Variants in TTN observed in about 807,000 individuals in gnomAD.
The protein encoded by TTN is connectin.
TTN carries 1,525 observed loss-of-function variants against 3,223.0 expected under a neutral mutation model. The ratio of observed to expected loss-of-function variants is 0.47; its 90% CI spans 0.45 to 0.49. The LOEUF is 0.49. Ranked by LOEUF, TTN falls within the 20% of genes least tolerant of loss-of-function variation. The pLI is 0.00. For synonymous variants in TTN, 14,094 were observed against 15,161.0 expected (o/e 0.93, Z 5.17); for missense variants, 40,786 against 43,424.0 (o/e 0.94, Z 5.40).
Position 178,729,181 on chromosome 2 carries a change from TAA to T in TTN, c.18869-14_18869-13del. The T allele has an allele frequency of 4.5e-6, 7 of 1,559,130 alleles. No individual in the cohort carries two copies. Among genetic ancestry groups the T allele is most frequent in the South Asian group, 2.5e-5 (2 of 80,652 alleles). ...GAATGATGGTGGTTCTGTGATTAAA[TAA>T]GAGAGTGTGAAAAGAAGAAACATAT... On this transcript the variant is annotated splice_polypyrimidine_tract_variant and intron_variant, in intron 64 of 362. Coordinates refer to ENST00000589042, the MANE Select transcript of TTN (RefSeq NM_001267550.2).
In TTN at chr2:178,574,480, G is replaced by T; in HGVS notation, c.71652C>A (p.Asn23884Lys). 3.7e-6 allele frequency: 6 copies of T among 1,613,644 alleles called. No individual in the cohort carries two copies. The highest frequency in any genetic ancestry group is 5.1e-6 in the Non-Finnish European group (6 of 1,179,632). The change falls in exon 326 of 363, where the codon AAC (asparagine) becomes AAA (lysine). Residue 23884 changes from asparagine (N) to lysine (K), a missense_variant. Physicochemically the swap from Asn to Lys is moderately conservative, Grantham distance 94 (BLOSUM62 0). Coordinates refer to ENST00000589042, the MANE Select transcript of TTN (RefSeq NM_001267550.2). ...QTVSKALVPGNIFKSSGLTDG... is the reference protein window; with the variant it reads ...QTVSKALVPGKIFKSSGLTDG... ...CTGTAAGTCCACTTGATTTGAAAAT[G>T]TTGCCTGGTACTAAAGCTTTGCTCA...
rs116307796 is a variant in TTN at position 178,785,948 on chromosome 2, G to A, written c.2270C>T (p.Pro757Leu). 1,592 of 1,614,142 alleles carry A rather than the reference G, an allele frequency of 9.9e-4. 12 individuals are homozygous for A. In the African/African-American group the frequency reaches 0.019, roughly 20 times the overall value. Residue 757 changes from proline to leucine, a missense_variant, in exon 14 of 363, where the codon CCC becomes CTC. Physicochemically the swap from Pro to Leu is moderately conservative, Grantham distance 98 (BLOSUM62 -3). Coordinates refer to ENST00000589042, the MANE Select transcript of TTN (RefSeq NM_001267550.2). ...AEPPQRPASE[P>L]HVVPKAVKPR... ...CTTGACTGCTTTAGGGACAACGTGG[G>A]GTTCTGAGGCTGGACGTTGGGGAGG...
At position 178,757,645 on chromosome 2, in the gene TTN, A is replaced by G; in HGVS notation, c.10575T>C (p.Leu3525=). 1.9e-6 allele frequency: 3 copies of G among 1,613,832 alleles called. No homozygotes were observed. Among genetic ancestry groups the G allele is most frequent in the Non-Finnish European group, 2.5e-6 (3 of 1,179,758 alleles). The change falls in exon 45 of 363, where the codon CTT becomes CTC. Residue 3525 remains leucine (L), a synonymous_variant. Coordinates refer to ENST00000589042, the MANE Select transcript of TTN (RefSeq NM_001267550.2). The stretch of plus-strand genomic sequence containing the variant: ...CATGCTCTGAGTAAGCATCAACTAT[A>G]AGCATTAAAGCCATGCCTGTGGACT... ...FEESTGMALM[L]IVDAYSEHAG...
intron 350 of TTN, among the ~76,000 whole-genome samples, 179 bp from the exon 351 acceptor site, chr2:178,540,549 T>A (rs1693910457): frequency 6.6e-6 from 1 of 152,120 alleles, no homozygotes; most frequent in Non-Finnish European, 1.5e-5. Context: ...TCACAGCAAG[T>A]TGGGAGGCCA....
At chr2:178,768,380 C>G (rs143236278) in intron 38 of TTN, among the ~76,000 whole-genome samples, 3 of 152,244 alleles carry the variant, frequency 2.0e-5, no homozygotes, top group African/African-American at 7.2e-5. Context: ...CCCCTGTAGA[C>G]CTAAGCAACC....
chr2:178,546,159 T>C (rs1559145467), intron 342 of TTN, 43 bp from the exon 343 acceptor site: 1 of 1,587,556 alleles, frequency 6.3e-7, no homozygotes, highest in African/African-American at 1.3e-5. Flanking sequence ...GATCATTCTT[T>C]CTGCCCACAC....
Position 178,794,910 on chromosome 2 carries a change from T to C in TTN, c.1245+12A>G. On this transcript the variant is annotated intron_variant, in intron 7 of 362. Coordinates refer to ENST00000589042, the MANE Select transcript of TTN (RefSeq NM_001267550.2). The stretch of plus-strand genomic sequence containing the variant: ...TGTGAAATAAGGAAAAACAAAACCA[T>C]TCTGACAGTACCTCTTTAGCACCAG... The C allele has an allele frequency of 6.2e-7, 1 of 1,600,454 alleles. No individual in the cohort carries two copies. Among genetic ancestry groups the C allele is most frequent in the Admixed American group, 1.7e-5 (1 of 60,018 alleles).
Position 178,673,684 on chromosome 2 carries a change from G to A in TTN, c.34735C>T (p.Pro11579Ser), listed in dbSNP as rs754511830. The change falls in exon 152 of 363, where the codon CCT (proline) becomes TCT (serine). Residue 11579 changes from proline to serine, a missense_variant. By Grantham distance (74) the Pro-to-Ser change is moderately conservative. Coordinates refer to ENST00000589042, the MANE Select transcript of TTN (RefSeq NM_001267550.2). ...TTAGGAACAGGAGTAGGTGCTTCAG[G>A]TACTGCTTTCTTAATCACTTCAGGC... ...RVPEVIKKAVPEAPTPVPKKV... is the reference protein window; with the variant it reads ...RVPEVIKKAVSEAPTPVPKKV... 12 of 1,590,202 alleles carry A rather than the reference G, an allele frequency of 7.5e-6. No individual in the cohort carries two copies. The African/African-American group carries it at 1.4e-4, about 18-fold the overall frequency.
chr2:178,560,567 A>G lies in TTN; in HGVS notation c.85565T>C (p.Ile28522Thr), dbSNP rs372146722. The stretch of plus-strand genomic sequence containing the variant: ...TTTATTAACACCAGTTACTCTAAAT[A>G]TATATTCATTGCCTTTGAGTAACTT... ...VTKLLKGNEY[I>T]FRVTGVNKYG... is the part of the protein sequence containing the mutation. Residue 28522 changes from isoleucine (I) to threonine (T), a missense_variant, in exon 326 of 363, where the codon ATA becomes ACA. Coordinates refer to ENST00000589042, the MANE Select transcript of TTN (RefSeq NM_001267550.2). 22 of 1,613,196 alleles carry G rather than the reference A, an allele frequency of 1.4e-5. No homozygotes were observed. The highest frequency in any genetic ancestry group is 3.3e-5 in the Admixed American group (2 of 59,934).
intron 328 of TTN, 21 bp from the exon 329 acceptor site, chr2:178,557,576 A>G (rs1163293940): frequency 6.2e-7 from 1 of 1,613,824 alleles, no homozygotes; most frequent in Non-Finnish European, 8.5e-7. Context: ...GAGAAATCCT[A>G]TAGATTAGTA....
At chr2:178,624,154 A>C (rs762425846) in intron 242 of TTN, among the ~76,000 whole-genome samples, 1 of 151,966 alleles carries the variant, frequency 6.6e-6, no homozygotes, top group Non-Finnish European at 1.5e-5. Context: ...CTCCTCATCC[A>C]TATCAGGATA....
At chr2:178,713,040 A>G in intron 93 of TTN, 45 bp downstream of exon 93, 1 of 1,605,720 alleles carries the variant, frequency 6.2e-7, no homozygotes, top group Non-Finnish European at 8.5e-7. Context: ...AAACATGCTT[A>G]ATAAACTATG....
chr2:178,751,461 C>G, intron 47 of TTN: 8 of 1,613,214 alleles, frequency 5.0e-6, no homozygotes, highest in Non-Finnish European at 4.2e-6. Flanking sequence ...TGTTCCACAT[C>G]TTGTTTTTTG....
At position 178,621,233 on chromosome 2, in the gene TTN, C is replaced by T; in HGVS notation, c.45485G>A (p.Gly15162Glu). ...WKRDDKTLES[G>E]DKYDVIADGK... ...ATCAGCAATAACGTCATATTTATCT[C>T]CAGATTCAAGTGTCTTATCATCCCT... Residue 15162 changes from glycine (G) to glutamate (E), a missense_variant, in exon 246 of 363, where the codon GGA becomes GAA. Physicochemically the swap from Gly to Glu is moderately conservative, Grantham distance 98. Transcript: ENST00000589042. 1 of 1,612,292 alleles carries T rather than the reference C, an allele frequency of 6.2e-7. No homozygotes were observed.
rs2154156622 is a variant in TTN, at chr2:178,558,483, A to G, written c.86976T>C (p.Cys28992=). 6.2e-7 allele frequency: 1 copy of G among 1,613,862 alleles called. No individual in the cohort carries two copies. The highest frequency in any genetic ancestry group is 8.5e-7 in the Non-Finnish European group (1 of 1,179,822). The change falls in exon 327 of 363, where the codon TGT becomes TGC. Residue 28992 remains cysteine (C), a synonymous_variant. Coordinates refer to ENST00000589042, the MANE Select transcript of TTN (RefSeq NM_001267550.2). ...CGTGATGGGTTGACTTTGCCACTGCACATTTAACCCAGTTTTTCTGTCCTT... is the reference window on the plus strand; with the variant it reads ...CGTGATGGGTTGACTTTGCCACTGCGCATTTAACCCAGTTTTTCTGTCCTT... The part of the protein sequence containing the change: ...LEKGQKNWVK[C]AVAKSTHHVV...
chr2:178,764,576 G>A lies in TTN; in HGVS notation c.9939C>T (p.Ala3313=), dbSNP rs1483630311. The A allele has an allele frequency of 6.2e-7, 1 of 1,614,102 alleles. No individual in the cohort carries two copies. Among genetic ancestry groups the A allele is most frequent in the Admixed American group, 1.7e-5 (1 of 60,016 alleles). The change falls in exon 42 of 363, where the codon GCC becomes GCT. Residue 3313 remains alanine (A), a synonymous_variant. Transcript: ENST00000589042. ...PEDAAVYTCE[A]KNDYGVATTS... ...TTGTGGCAACACCATAGTCATTCTT[G>A]GCTTCACAGGTATAGACTGCCGCAT...
chr2:178,545,339 C>G (rs752402491), intron 344 of TTN, 49 bp downstream of exon 344: 2 of 1,478,806 alleles, frequency 1.4e-6, no homozygotes, highest in Non-Finnish European at 1.8e-6. Context: ...AATTATCTGT[C>G]ATATAGTTTT....
chr2:178,759,236 G>T, intron 43 of TTN, 64 bp from the exon 44 acceptor site: 1 of 1,530,778 alleles, frequency 6.5e-7, no homozygotes, highest in Non-Finnish European at 9.0e-7. Context: ...CAATTTACCT[G>T]CAAACACAAT....
In TTN at chr2:178,542,656, C is replaced by T. The variant is rs367760700; in HGVS notation, c.97192+6G>A. ...ACTTGCTTGTATCTTTGTCACACAT[C>T]CTTACCAAGAATGATAACTTTAATG... On this transcript the variant is annotated splice_donor_region_variant and intron_variant, in intron 348 of 362. Transcript: ENST00000589042. 93 of 1,609,500 alleles carry T rather than the reference C, an allele frequency of 5.8e-5. No individual in the cohort carries two copies. The highest frequency in any genetic ancestry group is 7.7e-5 in the Non-Finnish European group (91 of 1,176,376).
Sources: gnomAD v4.1 joint callset for allele counts (sites outside exome capture counted in the v4.1 genomes callset) on GRCh38, gnomAD v4.1.1 for gene constraint, MANE v1.5 for transcripts, NCBI Gene and HGNC (gene_info 2026-07-23, HGNC 2026-07-21) for gene names.